HECW2: variants seen among roughly 807,000 people sequenced by gnomAD.
HECW2 encodes the protein HECT, C2 and WW domain containing E3 ubiquitin protein ligase 2.
A neutral mutation model predicts 175.2 loss-of-function variants in HECW2; 61 were observed. That is an observed-to-expected ratio of 0.35 (90% CI 0.28 to 0.43). HECW2 has a LOEUF of 0.43. Ranked by LOEUF, HECW2 falls within the 20% of genes least tolerant of loss-of-function variation. The probability of loss-of-function intolerance (pLI) is 1.00; values close to 1 mark genes in which losing one functional copy is unlikely to be tolerated. For synonymous variants in HECW2, 671 were observed against 731.0 expected (o/e 0.92, Z 1.32); for missense variants, 1,524 against 2,000.5 (o/e 0.76, Z 4.54).
At chr2:196,555,483 G>C (rs536040945) in intron 1 of HECW2, among the ~76,000 whole-genome samples, 1 of 152,306 alleles carries the variant, frequency 6.6e-6, no homozygotes, top group Non-Finnish European at 1.5e-5. Context: ...AATTGGTGGT[G>C]TGGGGACACA....
chr2:196,567,726 C>A (rs1004348425), intron 1 of HECW2, among the ~76,000 whole-genome samples: 2 of 152,160 alleles, frequency 1.3e-5, no homozygotes, highest in Non-Finnish European at 2.9e-5. Context: ...TAATTATGTT[C>A]TTTGGCAAAA....
intron 1 of HECW2, among the ~76,000 whole-genome samples, chr2:196,474,194 A>G (rs1697328015): frequency 6.6e-6 from 1 of 152,246 alleles, no homozygotes; most frequent in African/African-American, 2.4e-5. Context: ...TAAACAGGAT[A>G]TAGTTTTGTC....
At chr2:196,210,469 A>G (rs1687238161) in intron 28 of HECW2, among the ~76,000 whole-genome samples, 1 of 152,098 alleles carries the variant, frequency 6.6e-6, no homozygotes, top group Non-Finnish European at 1.5e-5. Flanking sequence ...GACTCCAAGC[A>G]TGCACCACCA....
intron 1 of HECW2, among the ~76,000 whole-genome samples, chr2:196,551,958 T>C (rs902884868): frequency 6.6e-6 from 1 of 152,188 alleles, no homozygotes; most frequent in African/African-American, 2.4e-5. Context: ...CTGTCAACTA[T>C]CACTTCCTCA....
intron 1 of HECW2, among the ~76,000 whole-genome samples, chr2:196,568,466 G>A (rs1038506105): frequency 1.3e-5 from 2 of 152,162 alleles, no homozygotes; most frequent in Non-Finnish European, 1.5e-5. Context: ...CCTTACTTAT[G>A]ATAGGTGAGC....
At chr2:196,330,940 T>A (rs1320461220) in intron 4 of HECW2, among the ~76,000 whole-genome samples, 1 of 152,090 alleles carries the variant, frequency 6.6e-6, no homozygotes, top group Non-Finnish European at 1.5e-5. Flanking sequence ...ATTTTTTTTT[T>A]AAACTCTTTC....
chr2:196,581,908 T>C (rs1374402605), intron 1 of HECW2, among the ~76,000 whole-genome samples: 1 of 151,486 alleles, frequency 6.6e-6, no homozygotes, highest in East Asian at 2.0e-4. Context: ...CTACTAAAAA[T>C]ACAAAAAATT....
chr2:196,379,684 C>CAAA (rs1228923177), intron 2 of HECW2, among the ~76,000 whole-genome samples: 1,758 of 27,812 alleles, frequency 0.063, 137 homozygotes, highest in African/African-American at 0.079. Flanking sequence ...TACTCCGTCT[C>CAAA]AAAAAAAAAA....
chr2:196,504,703 T>A (rs1687694220), intron 1 of HECW2, among the ~76,000 whole-genome samples: 1 of 152,214 alleles, frequency 6.6e-6, no homozygotes, highest in South Asian at 2.1e-4. Flanking sequence ...AATTAATTGT[T>A]TATTTGTGAG....
chr2:196,301,589 A>G (rs1691055044), intron 13 of HECW2, among the ~76,000 whole-genome samples: 1 of 152,098 alleles, frequency 6.6e-6, no homozygotes, highest in Non-Finnish European at 1.5e-5. Context: ...ATGAGATGAC[A>G]TCTCATTGTG....
At chr2:196,498,694 G>C (rs76419567) in intron 1 of HECW2, among the ~76,000 whole-genome samples, 20,839 of 152,178 alleles carry the variant, frequency 0.14, 1,497 homozygotes, top group Middle Eastern at 0.24. Flanking sequence ...GTTTACGGTA[G>C]AGGCCTGAAC....
intron 1 of HECW2, among the ~76,000 whole-genome samples, chr2:196,437,746 G>A (rs1695922818): frequency 6.6e-6 from 1 of 152,102 alleles, no homozygotes; most frequent in South Asian, 2.1e-4. Context: ...AAGCTGATGA[G>A]TCAGTCACAT....
At chr2:196,531,248 C>CA (rs1688828913) in intron 1 of HECW2, among the ~76,000 whole-genome samples, 1 of 152,174 alleles carries the variant, frequency 6.6e-6, no homozygotes, top group Non-Finnish European at 1.5e-5. Context: ...TGACTAATTC[C>CA]AAACTATTTC....
At chr2:196,325,456 A>C (rs61479460) in intron 5 of HECW2, among the ~76,000 whole-genome samples, 6,454 of 152,288 alleles carry the variant, frequency 0.042, 489 homozygotes, top group African/African-American at 0.15. Context: ...CCAAACCTTT[A>C]GCACCACCTC....
At chr2:196,413,411 T>A (rs1695169052) in intron 2 of HECW2, among the ~76,000 whole-genome samples, 2 of 151,936 alleles carry the variant, frequency 1.3e-5, no homozygotes, top group African/African-American at 4.8e-5. Context: ...TGTGGTTCAA[T>A]CTTGGTTCAC....
At chr2:196,284,735 C>T (rs1236163634) in intron 14 of HECW2, among the ~76,000 whole-genome samples, 3 of 152,146 alleles carry the variant, frequency 2.0e-5, no homozygotes, top group East Asian at 3.8e-4. Flanking sequence ...TGAAGCTGAC[C>T]TAGTACATTT....
intron 5 of HECW2, among the ~76,000 whole-genome samples, chr2:196,328,149 C>G (rs557746929): frequency 6.6e-6 from 1 of 152,142 alleles, no homozygotes; most frequent in South Asian, 2.1e-4. Context: ...CTATCAGGGT[C>G]GACAAATTGT....
At chr2:196,309,720 T>C (rs751104231) in intron 10 of HECW2, among the ~76,000 whole-genome samples, 1 of 152,064 alleles carries the variant, frequency 6.6e-6, no homozygotes, top group Non-Finnish European at 1.5e-5. Flanking sequence ...CCAAAGAATG[T>C]TTACAGTAGT....
intron 1 of HECW2, among the ~76,000 whole-genome samples, chr2:196,520,846 GA>G (rs1438864613): frequency 6.6e-6 from 1 of 152,184 alleles, no homozygotes; most frequent in Admixed American, 6.5e-5. Flanking sequence ...AGTTCACACA[GA>G]AGGACACGCA....
Sources: gnomAD v4.1 joint callset for allele counts (sites outside exome capture counted in the v4.1 genomes callset) on GRCh38, gnomAD v4.1.1 for gene constraint, MANE v1.5 for transcripts, NCBI Gene and HGNC (gene_info 2026-07-23, HGNC 2026-07-21) for gene names.